ADCY2: variants seen among roughly 807,000 people sequenced by gnomAD.
ADCY2 encodes the protein adenylate cyclase 2, also known as adenylate cyclase type 2.
In ADCY2, 31 loss-of-function variants were observed where a neutral mutation model predicts 125.2. The observed-to-expected ratio is 0.25, with a 90% CI of 0.19 to 0.33. The LOEUF (loss-of-function observed/expected upper bound fraction) is 0.33. Among genes scored for constraint, ADCY2 ranks in the 10% least tolerant of loss-of-function variants. The pLI is 1.00. For missense variants in ADCY2, 904 were observed against 1,418.2 expected (o/e 0.64, Z 5.82); for synonymous variants, 512 against 548.4 (o/e 0.93, Z 0.93).
At chr5:7,757,699 A>G (rs3935156) in intron 16 of ADCY2, 113 bp downstream of exon 16, 606,434 of 1,400,772 alleles carry the variant, frequency 0.43, 135,551 homozygotes, top group African/African-American at 0.67. Flanking sequence ...CCCACACCAT[A>G]GCTGTGTTCA....
At chr5:7,397,273 G>A (rs1299146013) in intron 1 of ADCY2, among the ~76,000 whole-genome samples, 1 of 152,170 alleles carries the variant, frequency 6.6e-6, no homozygotes, top group East Asian at 1.9e-4. Flanking sequence ...AGTTTTGCCA[G>A]TTTATATTTT....
intron 3 of ADCY2, among the ~76,000 whole-genome samples, chr5:7,595,124 C>G (rs943250498): frequency 3.9e-5 from 6 of 152,138 alleles, no homozygotes; most frequent in African/African-American, 1.4e-4. Context: ...TAATTATTCC[C>G]TTATAATGAC....
chr5:7,625,866 C>T (rs199927757), intron 3 of ADCY2, among the ~76,000 whole-genome samples: 3 of 152,106 alleles, frequency 2.0e-5, no homozygotes, highest in Admixed American at 6.5e-5. Context: ...GGATCTAGCT[C>T]GTGATTATTT....
chr5:7,760,672 T>G (rs922769099), intron 16 of ADCY2, among the ~76,000 whole-genome samples: 1 of 152,246 alleles, frequency 6.6e-6, no homozygotes, highest in African/African-American at 2.4e-5. Flanking sequence ...CATGATGTTT[T>G]GATATACATA....
intron 4 of ADCY2, among the ~76,000 whole-genome samples, chr5:7,661,388 G>T (rs1256752460): frequency 6.6e-6 from 1 of 152,100 alleles, no homozygotes; most frequent in African/African-American, 2.4e-5. Context: ...AAGCGAAAAA[G>T]AGGGACAAAA....
intron 3 of ADCY2, among the ~76,000 whole-genome samples, chr5:7,537,733 G>C (rs1388632747): frequency 6.6e-6 from 1 of 152,310 alleles, no homozygotes; most frequent in Admixed American, 6.5e-5. Context: ...GAACAAAGTA[G>C]TCCACATCTC....
chr5:7,810,173 A>G (rs1208810356), intron 22 of ADCY2, among the ~76,000 whole-genome samples: 1 of 152,148 alleles, frequency 6.6e-6, no homozygotes, highest in Non-Finnish European at 1.5e-5. Context: ...TTTAAAAAGG[A>G]TATTTTGCTG....
rs115865880 is a variant in ADCY2 at position 7,802,155 on chromosome 5, G to A, written c.2629-63G>A. 3.0e-3 allele frequency: 4,707 copies of A among 1,572,852 alleles called. 117 individuals carry two copies. In the African/African-American group the frequency reaches 0.056, roughly 19 times the overall value. On this transcript the variant is annotated intron_variant, in intron 20 of 24. Transcript: ENST00000338316. This position sits in a 1 kb window ranked among gnomAD's most constrained non-coding sequence, Gnocchi z 4.6. ...CCTGGCATAAACAAGCCACTTGCCT[G>A]TGGAGTGTTTCTGTTTAAAGGTCAG...
chr5:7,701,811 G>A (rs1561175568), intron 7 of ADCY2, among the ~76,000 whole-genome samples: 1 of 152,060 alleles, frequency 6.6e-6, no homozygotes, highest in African/African-American at 2.4e-5. Flanking sequence ...TTTTTGTGGT[G>A]GCATGTGTTA....
intron 9 of ADCY2, among the ~76,000 whole-genome samples, chr5:7,708,490 T>C (rs1348068100): frequency 6.6e-6 from 1 of 152,194 alleles, no homozygotes; most frequent in Non-Finnish European, 1.5e-5. Context: ...CTCAAATTCC[T>C]GCCAAATGGG....
At chr5:7,693,505 G>T (rs1159549909) in intron 5 of ADCY2, among the ~76,000 whole-genome samples, 2 of 141,952 alleles carry the variant, frequency 1.4e-5, no homozygotes, top group Non-Finnish European at 3.0e-5. Flanking sequence ...TGCAACCTCC[G>T]CCTGCCGGGT....
intron 4 of ADCY2, among the ~76,000 whole-genome samples, chr5:7,676,009 C>A (rs544544110): frequency 6.6e-6 from 1 of 152,304 alleles, no homozygotes; most frequent in South Asian, 2.1e-4. Flanking sequence ...TTGAAATAAT[C>A]ACTTTGAAAG....
intron 1 of ADCY2, among the ~76,000 whole-genome samples, chr5:7,397,609 T>C (rs1251134943): frequency 6.6e-6 from 1 of 152,166 alleles, no homozygotes; most frequent in Admixed American, 6.5e-5. Flanking sequence ...ATAAAATAGC[T>C]GTCCTTGGTA....
At chr5:7,518,697 G>A (rs1446305511) in intron 2 of ADCY2, among the ~76,000 whole-genome samples, 3 of 152,116 alleles carry the variant, frequency 2.0e-5, no homozygotes, top group Non-Finnish European at 4.4e-5. Flanking sequence ...GAGGATTCCG[G>A]GTCATTTTTC....
intron 2 of ADCY2, among the ~76,000 whole-genome samples, chr5:7,488,588 C>T (rs922267909): frequency 6.6e-6 from 1 of 152,162 alleles, no homozygotes; most frequent in African/African-American, 2.4e-5. Context: ...TGTATCAAGG[C>T]TGCATTGCAT....
intron 16 of ADCY2, among the ~76,000 whole-genome samples, chr5:7,762,159 C>A (rs1286873682): frequency 3.3e-5 from 5 of 152,190 alleles, no homozygotes; most frequent in African/African-American, 1.2e-4. Context: ...CTGAATTCCT[C>A]CAAGAGTGCA....
chr5:7,718,212 G>C lies in ADCY2; in HGVS notation c.1703+975G>C, dbSNP rs1433528372. Among the ~76,000 whole-genome samples the C allele has an allele frequency of 1.4e-5, 2 of 141,932 alleles. 1 individual carries two copies. The highest frequency in any genetic ancestry group is 4.5e-4 in the South Asian group (2 of 4,452). 93.1% of individuals were successfully genotyped at this position (141,932 alleles called of 152,430 possible). On this transcript the variant is annotated intron_variant, in intron 12 of 24. Coordinates refer to ENST00000338316, the MANE Select transcript of ADCY2 (RefSeq NM_020546.3). The stretch of plus-strand genomic sequence containing the variant: ...TGCCCAGGCTGGAGTGCAGTGGCAC[G>C]ATCTTGGCTCACTGCAAGCTCCACC...
At chr5:7,534,622 T>G (rs1734757345) in intron 3 of ADCY2, among the ~76,000 whole-genome samples, 1 of 152,224 alleles carries the variant, frequency 6.6e-6, no homozygotes, top group Non-Finnish European at 1.5e-5. Flanking sequence ...TTAGCAGGTT[T>G]GAGTCTCAGC....
At chr5:7,531,462 T>A (rs181787933) in intron 3 of ADCY2, among the ~76,000 whole-genome samples, 8 of 152,324 alleles carry the variant, frequency 5.3e-5, no homozygotes, top group Admixed American at 1.3e-4. Context: ...AACAAATTAC[T>A]ACAAACTTGG....
Sources: gnomAD v4.1 joint callset for allele counts (sites outside exome capture counted in the v4.1 genomes callset) on GRCh38, gnomAD v4.1.1 for gene constraint, Gnocchi (gnomAD v3.1) non-coding constraint, MANE v1.5 for transcripts, NCBI Gene and HGNC (gene_info 2026-07-23, HGNC 2026-07-21) for gene names.